YTHDF3: variants seen among roughly 807,000 people sequenced by gnomAD.
The protein encoded by YTHDF3 is YTH domain-containing family protein 3.
Under a neutral mutation model 52.5 loss-of-function variants are expected in YTHDF3, and 9 were observed. The ratio of observed to expected loss-of-function variants is 0.17; its 90% CI spans 0.10 to 0.30. YTHDF3 has a LOEUF of 0.30. Ranked by LOEUF, YTHDF3 falls within the 10% of genes least tolerant of loss-of-function variation. The pLI, the probability that YTHDF3 is intolerant of heterozygous loss-of-function variation, is 1.00. For missense variants in YTHDF3, 534 were observed against 715.0 expected, an observed-to-expected ratio of 0.75 and a Z score of 2.89; for synonymous variants, 274 against 243.3, an observed-to-expected ratio of 1.13 and a Z score of -1.18.
intron 1 of YTHDF3, 185 bp from the exon 2 acceptor site, chr8:63,169,202 G>A (rs553424929): frequency 4.3e-4 from 577 of 1,344,504 alleles, no homozygotes; most frequent in Non-Finnish European, 5.5e-4. Context: ...CGGATTCCGA[G>A]TGGCGGGTGG....
rs535408667 is a variant in YTHDF3 at position 63,169,509 on chromosome 8, G to GA, written c.49+104dup. ...TTTGTTTGTTTTTGCTCCCTCTTGG[G>GA]AAAAAATGTAGGATTAGGGAAAATA... On this transcript the variant is annotated intron_variant, in intron 2 of 4. Coordinates refer to ENST00000539294, the MANE Select transcript of YTHDF3 (RefSeq NM_152758.6). The GA allele has an allele frequency of 1.2e-4, 156 of 1,334,988 alleles. 1 individual carries two copies. The East Asian group carries it at 1.8e-3, about 15-fold the overall frequency. 82.7% of individuals were successfully genotyped at this position (1,334,988 alleles called of 1,614,324 possible).
chr8:63,208,340 G>C (rs928406437), intron 4 of YTHDF3, among the ~76,000 whole-genome samples: 6 of 152,174 alleles, frequency 3.9e-5, no homozygotes, highest in Non-Finnish European at 5.9e-5. Context: ...TGTCACAGAG[G>C]ATGGAAAACT....
At position 63,187,316 on chromosome 8, in the gene YTHDF3, C is replaced by T; in HGVS notation, c.1305C>T (p.Tyr435=). 1 of 1,614,012 alleles carries T rather than the reference C, an allele frequency of 6.2e-7. No homozygotes were observed. Among genetic ancestry groups the T allele is most frequent in the Non-Finnish European group, 8.5e-7 (1 of 1,179,896 alleles). Residue 435 remains tyrosine, a synonymous_variant, in exon 4 of 5, where the codon TAC becomes TAT. Coordinates refer to ENST00000539294, the MANE Select transcript of YTHDF3 (RefSeq NM_152758.6). ...SEDDIHRSIK[Y]SIWCSTEHGN... ...ATGACATACATCGTTCCATTAAATA[C>T]TCTATCTGGTGTAGTACTGAGCATG...
intron 3 of YTHDF3, among the ~76,000 whole-genome samples, chr8:63,178,281 G>A (rs974421368): frequency 2.6e-5 from 4 of 152,292 alleles, no homozygotes; most frequent in Non-Finnish European, 4.4e-5. Context: ...GAAAACCAGC[G>A]GAGGGTGCCT....
intron 4 of YTHDF3, among the ~76,000 whole-genome samples, chr8:63,199,561 T>G (rs1809465283): frequency 6.6e-6 from 1 of 152,226 alleles, no homozygotes. Flanking sequence ...ATGAAATATC[T>G]TATGTTTCCA....
chr8:63,168,572 C>T (rs942361221), upstream of YTHDF3: 10 of 522,644 alleles, frequency 1.9e-5, no homozygotes, highest in African/African-American at 4.0e-5. Flanking sequence ...GAGGTGAGCG[C>T]GGACGTCAGA....
intron 4 of YTHDF3, among the ~76,000 whole-genome samples, chr8:63,191,089 G>A (rs559072129): frequency 1.3e-5 from 2 of 152,214 alleles, no homozygotes; most frequent in South Asian, 4.2e-4. Flanking sequence ...CAGTTATGTG[G>A]TTTTATATTA....
chr8:63,169,350 T>A lies in YTHDF3; in HGVS notation c.25-37T>A. On this transcript the variant is annotated intron_variant, in intron 1 of 4. Coordinates refer to ENST00000539294, the MANE Select transcript of YTHDF3 (RefSeq NM_152758.6). ...AACACACTTTTTCTTTTCTTCCTTT[T>A]TCTCCTCTTTACCGCATCTTTCGTC... is the stretch of plus-strand genomic sequence containing the variant. 2.5e-6 allele frequency: 4 copies of A among 1,590,108 alleles called. No homozygotes were observed. The African/African-American group carries it at 5.4e-5, about 21-fold the overall frequency.
At chr8:63,208,624 A>G (rs1810187828) in intron 4 of YTHDF3, among the ~76,000 whole-genome samples, 1 of 152,190 alleles carries the variant, frequency 6.6e-6, no homozygotes, top group Non-Finnish European at 1.5e-5. Context: ...TAAGTTACAC[A>G]TTAAAACAAG....
intron 4 of YTHDF3, among the ~76,000 whole-genome samples, chr8:63,205,833 A>C (rs1470753151): frequency 1.3e-5 from 2 of 152,210 alleles, no homozygotes; most frequent in African/African-American, 4.8e-5. Context: ...TGTCAGGCAC[A>C]GTCCACCTTG....
chr8:63,190,510 T>G (rs931608669), intron 4 of YTHDF3, among the ~76,000 whole-genome samples: 4 of 152,170 alleles, frequency 2.6e-5, no homozygotes, highest in African/African-American at 9.7e-5. Context: ...TTAAATAAAG[T>G]TTATCCTAAA....
intron 3 of YTHDF3, among the ~76,000 whole-genome samples, chr8:63,182,040 T>C (rs527718669): frequency 1.3e-5 from 2 of 152,160 alleles, no homozygotes; most frequent in Non-Finnish European, 2.9e-5. Context: ...GTCAGGAGTT[T>C]GAAGCACTTC....
At chr8:63,205,765 G>A (rs1809988713) in intron 4 of YTHDF3, among the ~76,000 whole-genome samples, 1 of 152,190 alleles carries the variant, frequency 6.6e-6, no homozygotes, top group South Asian at 2.1e-4. Context: ...CACTTCTAGT[G>A]GTCTGTAGCT....
At chr8:63,179,411 G>A (rs1274538989) in intron 3 of YTHDF3, among the ~76,000 whole-genome samples, 1 of 152,088 alleles carries the variant, frequency 6.6e-6, no homozygotes, top group Non-Finnish European at 1.5e-5. Context: ...TTAGGGAGTG[G>A]TGATGACTCT....
chr8:63,201,690 A>G (rs1809653903), intron 4 of YTHDF3, among the ~76,000 whole-genome samples: 2 of 152,242 alleles, frequency 1.3e-5, no homozygotes, highest in African/African-American at 2.4e-5. Context: ...CGCGCTTGAT[A>G]TACTTTGTGC....
intron 3 of YTHDF3, 171 bp downstream of exon 3, chr8:63,175,587 GTTC>G (rs1330924590): frequency 8.7e-5 from 45 of 515,314 alleles, no homozygotes; most frequent in Middle Eastern, 5.5e-4. Context: ...GCACAGGAGA[GTTC>G]TTCTTCAGAA....
chr8:63,209,418 T>G (rs1483251305), intron 4 of YTHDF3, among the ~76,000 whole-genome samples: 1 of 152,186 alleles, frequency 6.6e-6, no homozygotes, highest in African/African-American at 2.4e-5. Flanking sequence ...ATTCTCATCA[T>G]AAACAAACAA....
intron 4 of YTHDF3, among the ~76,000 whole-genome samples, chr8:63,190,381 G>GT (rs1335142958): frequency 6.6e-6 from 1 of 151,436 alleles, no homozygotes; most frequent in Non-Finnish European, 1.5e-5. Flanking sequence ...TTATGTAGTT[G>GT]TTTCAGGAAA....
intron 1 of YTHDF3, 75 bp from the exon 2 acceptor site, chr8:63,169,312 A>G: frequency 6.6e-7 from 1 of 1,523,704 alleles, no homozygotes; most frequent in Non-Finnish European, 8.9e-7. Flanking sequence ...TGTCTTTGAT[A>G]ATGCCTTTGA....
Sources: gnomAD v4.1 joint callset for allele counts (sites outside exome capture counted in the v4.1 genomes callset) on GRCh38, gnomAD v4.1.1 for gene constraint, MANE v1.5 for transcripts, NCBI Gene and HGNC (gene_info 2026-07-23, HGNC 2026-07-21) for gene names.